Variants in AP2B1 observed in about 807,000 individuals in gnomAD.
AP2B1 encodes the protein AP-2 complex subunit beta.
In AP2B1, 23 loss-of-function variants were observed where a neutral mutation model predicts 102.0. The ratio of observed to expected loss-of-function variants is 0.23; its 90% CI spans 0.16 to 0.32. AP2B1 has a LOEUF of 0.32. AP2B1 is among the 10% of genes least tolerant of loss of function. The pLI, the probability that AP2B1 is intolerant of heterozygous loss-of-function variation, is 1.00. For missense variants in AP2B1, 541 were observed against 1,157.4 expected, an observed-to-expected ratio of 0.47 and a Z score of 7.73; for synonymous variants, 381 against 421.2, an observed-to-expected ratio of 0.90 and a Z score of 1.17.
intron 12 of AP2B1, among the ~76,000 whole-genome samples, chr17:35,647,762 G>T (rs1598165178): frequency 6.6e-6 from 1 of 152,128 alleles, no homozygotes; most frequent in African/African-American, 2.4e-5. Flanking sequence ...GATGATAAGG[G>T]CCTTAAGTGG....
chr17:35,655,897 G>A (rs2075207734), intron 13 of AP2B1, among the ~76,000 whole-genome samples: 2 of 152,258 alleles, frequency 1.3e-5, no homozygotes, highest in Non-Finnish European at 2.9e-5. Context: ...AAGTTGCTAA[G>A]CACATTTTCA....
intron 3 of AP2B1, among the ~76,000 whole-genome samples, chr17:35,598,658 A>T (rs1229225756): frequency 1.3e-5 from 2 of 152,224 alleles, no homozygotes; most frequent in Admixed American, 6.5e-5. Flanking sequence ...AGATGATAAA[A>T]ATACACTGAG....
intron 5 of AP2B1, among the ~76,000 whole-genome samples, chr17:35,620,880 A>G (rs1245560823): frequency 1.3e-5 from 2 of 152,242 alleles, no homozygotes; most frequent in East Asian, 3.9e-4. Context: ...GCTAAAGGCC[A>G]TTGTTCTCTT....
At chr17:35,617,056 T>C (rs867918270) in intron 5 of AP2B1, among the ~76,000 whole-genome samples, 1 of 152,080 alleles carries the variant, frequency 6.6e-6, no homozygotes, top group African/African-American at 2.4e-5. Flanking sequence ...CAAACACATA[T>C]CCTTTTTTTT....
At chr17:35,620,899 T>C (rs1308228922) in intron 5 of AP2B1, among the ~76,000 whole-genome samples, 1 of 152,250 alleles carries the variant, frequency 6.6e-6, no homozygotes, top group African/African-American at 2.4e-5. Context: ...TTTCTGTCAG[T>C]ATTTCCTAAG....
chr17:35,681,910 A>G (rs961778952), intron 17 of AP2B1, among the ~76,000 whole-genome samples: 2 of 152,168 alleles, frequency 1.3e-5, no homozygotes, highest in African/African-American at 4.8e-5. Flanking sequence ...TTATGATGTA[A>G]CCAGTGTTAT....
At chr17:35,612,766 G>A (rs2073899986) in intron 5 of AP2B1, among the ~76,000 whole-genome samples, 1 of 151,996 alleles carries the variant, frequency 6.6e-6, no homozygotes, top group Non-Finnish European at 1.5e-5. Context: ...TACCTTCATG[G>A]ATGAATGTAT....
In AP2B1 at chr17:35,626,681, G is replaced by T. The variant is rs534346420; in HGVS notation, c.777G>T (p.Ala259=). 3.1e-6 allele frequency: 5 copies of T among 1,613,500 alleles called. No homozygotes were observed. Among genetic ancestry groups the T allele is most frequent in the South Asian group, 2.2e-5 (2 of 91,004 alleles). The part of the protein sequence containing the change: ...SHANSAVVLS[A]VKVLMKFLEL... ...CCAACTCAGCAGTGGTGCTTTCAGC[G>T]GTAAAAGTCCTAATGAAGTTTCTAG... is the stretch of plus-strand genomic sequence containing the variant. Residue 259 remains alanine (A), a synonymous_variant, in exon 7 of 22, where the codon GCG becomes GCT. Coordinates refer to ENST00000610402, the MANE Select transcript of AP2B1 (RefSeq NM_001030006.2).
intron 3 of AP2B1, chr17:35,601,098 G>A (rs764694373): frequency 1.9e-5 from 14 of 726,780 alleles, no homozygotes; most frequent in Admixed American, 6.3e-5. Flanking sequence ...GGCATAGTAA[G>A]TACTCTTTGC....
chr17:35,717,585 C>T (rs587702884), intron 21 of AP2B1, among the ~76,000 whole-genome samples: 2 of 152,206 alleles, frequency 1.3e-5, no homozygotes, highest in African/African-American at 2.4e-5. Flanking sequence ...ATCCCTCCCC[C>T]CTGGTGTATA....
intron 18 of AP2B1, among the ~76,000 whole-genome samples, chr17:35,697,783 G>A (rs6505490): frequency 0.48 from 72,728 of 151,694 alleles, 17,462 homozygotes; most frequent in East Asian, 0.52. Flanking sequence ...CCAACATGGC[G>A]AAACCCCATC....
At chr17:35,595,019 G>C (rs2073219701) in intron 2 of AP2B1, among the ~76,000 whole-genome samples, 2 of 152,172 alleles carry the variant, frequency 1.3e-5, no homozygotes, top group African/African-American at 2.4e-5. Context: ...TTGTGTTCAG[G>C]AGTCCTTACA....
intron 5 of AP2B1, chr17:35,621,266 A>G: frequency 1.0e-6 from 1 of 981,920 alleles, no homozygotes; most frequent in Non-Finnish European, 1.2e-6. Context: ...TTTTTCTTTA[A>G]GATACTTTAG....
Position 35,608,481 on chromosome 17 carries a change from G to T in AP2B1, c.525+94G>T, listed in dbSNP as rs2073758874. On this transcript the variant is annotated intron_variant, in intron 5 of 21. Coordinates refer to ENST00000610402, the MANE Select transcript of AP2B1 (RefSeq NM_001030006.2). ...ATGAACCTTGTCTTTGGAATACTGG[G>T]TTATGGGGTAGCTATGGGAAACATG... 6 of 1,425,500 alleles carry T rather than the reference G, an allele frequency of 4.2e-6. No individual in the cohort carries two copies. In the East Asian group the frequency reaches 1.1e-4, roughly 27 times the overall value. 88.3% of individuals were successfully genotyped at this position (1,425,500 alleles called of 1,614,324 possible). A position where few individuals can be genotyped will look rare whatever the true frequency, so the allele number is the denominator to read the frequency against.
chr17:35,620,438 T>G (rs1337921450), intron 5 of AP2B1, among the ~76,000 whole-genome samples: 1 of 152,300 alleles, frequency 6.6e-6, no homozygotes, highest in Non-Finnish European at 1.5e-5. Context: ...GGCAAGACCC[T>G]GTCTCTTAAA....
chr17:35,656,124 CT>C (rs1040279991), intron 13 of AP2B1, among the ~76,000 whole-genome samples: 7 of 152,260 alleles, frequency 4.6e-5, no homozygotes, highest in African/African-American at 1.4e-4. Context: ...CAGTTTATTA[CT>C]TTTTTTCTTT....
At chr17:35,609,845 T>C (rs1214027361) in intron 5 of AP2B1, among the ~76,000 whole-genome samples, 1 of 152,238 alleles carries the variant, frequency 6.6e-6, no homozygotes, top group South Asian at 2.1e-4. Context: ...ACCTGTTCAC[T>C]TCTCTGCTTT....
At chr17:35,668,780 C>T (rs1264078208) in intron 14 of AP2B1, among the ~76,000 whole-genome samples, 1 of 152,138 alleles carries the variant, frequency 6.6e-6, no homozygotes, top group Non-Finnish European at 1.5e-5. Context: ...TATAATTCCA[C>T]CCTACCACCT....
chr17:35,637,468 C>T (rs542704905), intron 10 of AP2B1, among the ~76,000 whole-genome samples: 2 of 152,114 alleles, frequency 1.3e-5, no homozygotes, highest in Admixed American at 6.5e-5. Flanking sequence ...GCATGAGCCA[C>T]GATGCCCGGC....
Sources: allele counts gnomAD v4.1 joint callset (sites outside exome capture counted in the v4.1 genomes callset), GRCh38; gene constraint gnomAD v4.1.1; transcripts MANE v1.5; gene names NCBI Gene and HGNC (gene_info 2026-07-23, HGNC 2026-07-21).